The following CSMD1 variants were observed in gnomAD, a reference collection of about 807,000 sequenced individuals.
CSMD1 encodes CUB and Sushi multiple domains 1, also known as CUB and sushi domain-containing protein 1.
A neutral mutation model predicts 417.5 loss-of-function variants in CSMD1; 213 were observed. The observed-to-expected ratio is 0.51, with a 90% CI of 0.46 to 0.57. The LOEUF is 0.57. CSMD1 is among the 20% of genes least tolerant of loss of function. The pLI is 0.00. For synonymous variants in CSMD1, 2,862 were observed against 1,736.8 expected, an observed-to-expected ratio of 1.65 and a Z score of -16.11; for missense variants, 6,923 against 4,529.7, an observed-to-expected ratio of 1.53 and a Z score of -15.17.
chr8:3,104,740 C>T (rs1172450649), intron 46 of CSMD1, among the ~76,000 whole-genome samples: 3 of 134,206 alleles, frequency 2.2e-5, no homozygotes, highest in Admixed American at 1.6e-4. Context: ...CAGAGTTTTG[C>T]TGTGTCTCCC....
intron 5 of CSMD1, among the ~76,000 whole-genome samples, chr8:3,823,439 G>C (rs895359517): frequency 5.1e-4 from 78 of 152,194 alleles, no homozygotes; most frequent in African/African-American, 1.6e-3. Flanking sequence ...ATTTAGGAAA[G>C]GAAGTATAAA....
chr8:4,430,603 G>C (rs1021716488), intron 2 of CSMD1, among the ~76,000 whole-genome samples: 7 of 152,016 alleles, frequency 4.6e-5, no homozygotes, highest in Non-Finnish European at 8.8e-5. Flanking sequence ...TTCTAGACAA[G>C]TTTGTCAAGA....
At chr8:3,986,785 T>C (rs1451872235) in intron 5 of CSMD1, among the ~76,000 whole-genome samples, 1 of 151,960 alleles carries the variant, frequency 6.6e-6, no homozygotes, top group Non-Finnish European at 1.5e-5. Context: ...AGATGGAGTC[T>C]CACCCTGTTG....
At chr8:4,722,812 C>T (rs1372169297) in intron 1 of CSMD1, among the ~76,000 whole-genome samples, 1 of 152,084 alleles carries the variant, frequency 6.6e-6, no homozygotes, top group African/African-American at 2.4e-5. Context: ...TTTCTTCTAC[C>T]TCTTAACAAA....
At chr8:4,634,606 G>A (rs533617683) in intron 2 of CSMD1, among the ~76,000 whole-genome samples, 1 of 152,128 alleles carries the variant, frequency 6.6e-6, no homozygotes, top group South Asian at 2.1e-4. Flanking sequence ...TCCCACAAAA[G>A]AATCCGTCCT....
At chr8:4,647,500 G>C (rs151043261) in intron 1 of CSMD1, among the ~76,000 whole-genome samples, 85 of 149,720 alleles carry the variant, frequency 5.7e-4, no homozygotes, top group Middle Eastern at 3.4e-3. Flanking sequence ...GGTTTGTTAC[G>C]TAGGTACGCG....
At chr8:4,294,637 G>A (rs1239964024) in intron 3 of CSMD1, among the ~76,000 whole-genome samples, 3 of 152,078 alleles carry the variant, frequency 2.0e-5, no homozygotes, top group Non-Finnish European at 2.9e-5. Context: ...CAACTTGATA[G>A]AAAGTTATAT....
chr8:3,957,691 A>C (rs1232780185), intron 5 of CSMD1, among the ~76,000 whole-genome samples: 1 of 150,452 alleles, frequency 6.6e-6, no homozygotes, highest in Non-Finnish European at 1.5e-5. Flanking sequence ...ATGTCGGAAA[A>C]AAAAGAAGAG....
At chr8:3,605,249 C>T (rs1482155759) in intron 8 of CSMD1, among the ~76,000 whole-genome samples, 1 of 152,188 alleles carries the variant, frequency 6.6e-6, no homozygotes, top group Non-Finnish European at 1.5e-5. Context: ...CTCGGCCTCC[C>T]ACAGTGCTGG....
intron 10 of CSMD1, among the ~76,000 whole-genome samples, chr8:3,507,632 G>C (rs1417143061): frequency 1.3e-5 from 2 of 152,186 alleles, no homozygotes; most frequent in Non-Finnish European, 2.9e-5. Flanking sequence ...CAGTGTAAAA[G>C]TGTTCCTATC....
chr8:3,988,808 A>G (rs1814524823), intron 5 of CSMD1, among the ~76,000 whole-genome samples: 2 of 152,326 alleles, frequency 1.3e-5, no homozygotes, highest in East Asian at 1.9e-4. Context: ...TTTCCAAACA[A>G]CAAGGAAGGG....
chr8:3,444,139 A>G (rs1452605792), intron 12 of CSMD1, among the ~76,000 whole-genome samples: 2 of 152,204 alleles, frequency 1.3e-5, no homozygotes, highest in East Asian at 3.9e-4. Context: ...CAAGAAATCA[A>G]GCAGTGATTA....
At chr8:3,692,839 T>C (rs1004538388) in intron 7 of CSMD1, among the ~76,000 whole-genome samples, 1 of 152,196 alleles carries the variant, frequency 6.6e-6, no homozygotes, top group African/African-American at 2.4e-5. Context: ...TTATTAGGCA[T>C]TAGTAATGTT....
At chr8:4,278,348 A>T (rs890083383) in intron 3 of CSMD1, among the ~76,000 whole-genome samples, 7 of 152,218 alleles carry the variant, frequency 4.6e-5, no homozygotes, top group African/African-American at 1.7e-4. Context: ...ATGTGACTTA[A>T]AATTCATAAG....
chr8:3,403,467 T>C (rs765286061), intron 15 of CSMD1, among the ~76,000 whole-genome samples: 2 of 152,228 alleles, frequency 1.3e-5, no homozygotes, highest in Non-Finnish European at 2.9e-5. Context: ...GGTAGACTTT[T>C]AACATCTTTT....
At chr8:3,297,062 C>G (rs1267651576) in intron 25 of CSMD1, among the ~76,000 whole-genome samples, 2 of 152,114 alleles carry the variant, frequency 1.3e-5, no homozygotes, top group Non-Finnish European at 2.9e-5. Flanking sequence ...AGTACCTGGT[C>G]ACATATGTTT....
chr8:3,848,684 C>G (rs972241770), intron 5 of CSMD1, among the ~76,000 whole-genome samples: 2 of 152,058 alleles, frequency 1.3e-5, no homozygotes, highest in South Asian at 4.1e-4. Flanking sequence ...CTATTATGCT[C>G]CTTGCACCAT....
At chr8:4,430,281 G>C (rs1471554046) in intron 2 of CSMD1, among the ~76,000 whole-genome samples, 1 of 151,980 alleles carries the variant, frequency 6.6e-6, no homozygotes, top group Non-Finnish European at 1.5e-5. Flanking sequence ...CTTATGTTTT[G>C]GTGCTGAAAA....
chr8:4,238,566 A>C (rs145503332), intron 3 of CSMD1, among the ~76,000 whole-genome samples: 82 of 152,296 alleles, frequency 5.4e-4, no homozygotes, highest in African/African-American at 1.9e-3. Flanking sequence ...TAGTTAGACA[A>C]TGTGTCCATA....
Sources: gnomAD v4.1 joint callset for allele counts (sites outside exome capture counted in the v4.1 genomes callset) on GRCh38, gnomAD v4.1.1 for gene constraint, MANE v1.5 for transcripts, NCBI Gene and HGNC (gene_info 2026-07-23, HGNC 2026-07-21) for gene names.